Variants in RASA3 observed in about 807,000 individuals in gnomAD.
RASA3 encodes the protein RAS p21 protein activator 3.
In RASA3, 73 loss-of-function variants were observed where a neutral mutation model predicts 110.0. The observed-to-expected ratio is 0.66, with a 90% CI of 0.55 to 0.81. The LOEUF is 0.81. Among genes scored for constraint, RASA3 ranks in the 30% least tolerant of loss-of-function variants. The pLI is 0.00. For synonymous variants in RASA3, 500 were observed against 451.4 expected (o/e 1.11, Z -1.37); for missense variants, 976 against 1,113.2 (o/e 0.88, Z 1.75).
intron 9 of RASA3, 97 bp from the exon 10 acceptor site, chr13:114,019,016 C>T: frequency 6.8e-7 from 1 of 1,475,568 alleles, no homozygotes. Context: ...GTCGACTGGT[C>T]AGGAGGGTGA....
chr13:114,050,753 C>G (rs1594388469), intron 3 of RASA3, among the ~76,000 whole-genome samples: 1 of 152,086 alleles, frequency 6.6e-6, no homozygotes, highest in South Asian at 2.1e-4. Context: ...CTCATGCCCC[C>G]TCTCTCTCTC....
chr13:114,044,901 A>G (rs4883644), intron 3 of RASA3, among the ~76,000 whole-genome samples: 152,040 of 152,232 alleles, frequency 1, 75,924 homozygotes, highest in Middle Eastern at 1. Context: ...ACGTGGATAA[A>G]AATCTTGTAA....
At chr13:114,036,601 G>A (rs1372405096) in intron 4 of RASA3, among the ~76,000 whole-genome samples, 1 of 152,072 alleles carries the variant, frequency 6.6e-6, no homozygotes, top group East Asian at 1.9e-4. Flanking sequence ...GCAATGGCGC[G>A]ATCTCAGCTC....
chr13:113,997,468 G>A (rs1364095269), intron 20 of RASA3, among the ~76,000 whole-genome samples: 1 of 152,036 alleles, frequency 6.6e-6, no homozygotes, highest in Non-Finnish European at 1.5e-5. Flanking sequence ...AGTTAAGCAG[G>A]GGGTGGGGGC....
In RASA3 at chr13:114,018,804, T is replaced by C; in HGVS notation, c.901A>G (p.Ser301Gly). 2.5e-6 allele frequency: 4 copies of C among 1,613,656 alleles called. No homozygotes were observed. Among genetic ancestry groups the C allele is most frequent in the Non-Finnish European group, 2.5e-6 (3 of 1,179,978 alleles). ...TTCAACAGCAGGTCCCGCAGAGGGC[T>C]GTAATAGTCAGAAGAAAACACGTGG... is the stretch of plus-strand genomic sequence containing the variant. Reference protein sequence around the residue: ...EDHVFSSDYYSPLRDLLLKSA... With the variant: ...EDHVFSSDYYGPLRDLLLKSA... Residue 301 changes from serine (S) to glycine (G), a missense_variant, in exon 10 of 24, where the codon AGC becomes GGC. Around this residue, in one of 4 missense-constraint regions of RASA3, gnomAD observed 732 missense variants for 779.7 expected, o/e 0.94. Coordinates refer to ENST00000334062, the MANE Select transcript of RASA3 (RefSeq NM_007368.4).
Position 113,978,986 on chromosome 13 carries a change from G to A in RASA3, c.*361C>T, listed in dbSNP as rs1032109610. The stretch of plus-strand genomic sequence containing the variant: ...GCACGAGACTGACGCACACACGGCC[G>A]GAGGTGCATGTCACAGTCGACTAGA... On this transcript the variant is annotated 3_prime_UTR_variant, in exon 24 of 24. Transcript: ENST00000334062. 14 of 310,926 alleles carry A rather than the reference G, an allele frequency of 4.5e-5. No homozygotes were observed. Among genetic ancestry groups the A allele is most frequent in the Admixed American group, 1.4e-4 (3 of 22,002 alleles). 19.3% of individuals were successfully genotyped at this position (310,926 alleles called of 1,614,324 possible). A position where few individuals can be genotyped will look rare whatever the true frequency, so the allele number is the denominator to read the frequency against.
rs184827048 is a variant in RASA3 at position 114,099,332 on chromosome 13, G to T, written c.56-25495C>A. 3.4e-3 allele frequency among the ~76,000 whole-genome samples: 511 copies of T among 152,142 alleles called. 2 individuals carry two copies. The highest frequency in any genetic ancestry group is 6.3e-3 in the Non-Finnish European group (428 of 67,960). On this transcript the variant is annotated intron_variant, in intron 1 of 23. Coordinates refer to ENST00000334062, the MANE Select transcript of RASA3 (RefSeq NM_007368.4). ...GAAGCTCCTCCCTGCATGGGGACAC[G>T]CGGGGCTGCAGCCACTCCCAGGCCT... is the stretch of plus-strand genomic sequence containing the variant.
chr13:114,051,288 G>A (rs1049879235), intron 3 of RASA3, among the ~76,000 whole-genome samples: 1 of 152,222 alleles, frequency 6.6e-6, no homozygotes, highest in Admixed American at 6.5e-5. Context: ...CGCCCGTCCT[G>A]GGCGTGAGCT....
chr13:114,100,993 G>A (rs531524613), intron 1 of RASA3, among the ~76,000 whole-genome samples: 67 of 152,290 alleles, frequency 4.4e-4, no homozygotes, highest in Non-Finnish European at 6.8e-4. Flanking sequence ...GACTGAAACC[G>A]CAGGTGAGGG....
chr13:114,020,832 G>A (rs908479520), intron 9 of RASA3, among the ~76,000 whole-genome samples: 2 of 152,222 alleles, frequency 1.3e-5, no homozygotes. Context: ...CTCAACAGGA[G>A]GTGCTGCCGA....
intron 18 of RASA3, among the ~76,000 whole-genome samples, chr13:114,005,406 G>C (rs1211784468): frequency 6.6e-6 from 1 of 152,206 alleles, no homozygotes; most frequent in Non-Finnish European, 1.5e-5. Flanking sequence ...CCTCTGGGTG[G>C]AGGTTGAGGG....
chr13:113,996,091 G>A (rs66502963), intron 21 of RASA3, among the ~76,000 whole-genome samples: 7,063 of 130,610 alleles, frequency 0.054, 186 homozygotes, highest in African/African-American at 0.091. Flanking sequence ...TGGGGGGCCC[G>A]GCTGATGGGG....
intron 1 of RASA3, among the ~76,000 whole-genome samples, chr13:114,087,654 G>A (rs1301203501): frequency 6.6e-6 from 1 of 152,210 alleles, no homozygotes; most frequent in Non-Finnish European, 1.5e-5. Flanking sequence ...TCTCAGTGGA[G>A]CTCCTTCCAG....
chr13:114,018,363 C>A (rs2053841052), intron 10 of RASA3, 111 bp from the exon 11 acceptor site: 1 of 1,338,420 alleles, frequency 7.5e-7, no homozygotes, highest in Admixed American at 2.8e-5. Flanking sequence ...CGGCTCTTTG[C>A]TGAGACAGAA....
At chr13:114,025,293 G>A (rs1278441784) in intron 7 of RASA3, among the ~76,000 whole-genome samples, 1 of 152,208 alleles carries the variant, frequency 6.6e-6, no homozygotes, top group Non-Finnish European at 1.5e-5. Context: ...GCAGTTCTCT[G>A]CTTCGGGTTG....
chr13:114,043,312 G>T (rs1204229462), intron 3 of RASA3, among the ~76,000 whole-genome samples: 2 of 152,218 alleles, frequency 1.3e-5, no homozygotes, highest in Non-Finnish European at 2.9e-5. Context: ...AATCAGGACA[G>T]TTTGCCTCCA....
chr13:114,072,190 G>A (rs562910499), intron 2 of RASA3, among the ~76,000 whole-genome samples: 2 of 152,148 alleles, frequency 1.3e-5, no homozygotes, highest in South Asian at 2.1e-4. Context: ...GACATAAATC[G>A]CCATGGCTTC....
intron 1 of RASA3, among the ~76,000 whole-genome samples, chr13:114,124,450 C>T (rs531674117): frequency 1.3e-5 from 2 of 152,380 alleles, no homozygotes; most frequent in African/African-American, 4.8e-5. Context: ...GGATCCAGGC[C>T]CGACGAGGGC....
intron 21 of RASA3, among the ~76,000 whole-genome samples, chr13:113,993,827 A>AAGAAAAG (rs1555324883): frequency 6.4e-5 from 8 of 125,674 alleles, no homozygotes; most frequent in South Asian, 2.7e-4. Context: ...AAAAAAAAAA[A>AAGAAAAG]AAAAGAAAAG....
Sources: allele counts gnomAD v4.1 joint callset (sites outside exome capture counted in the v4.1 genomes callset), GRCh38; gene constraint gnomAD v4.1.1; regional missense constraint gnomAD v4.1.1; transcripts MANE v1.5; gene names NCBI Gene and HGNC (gene_info 2026-07-23, HGNC 2026-07-21).